The following MTLN variants were observed in gnomAD, a reference collection of about 807,000 sequenced individuals.
MTLN encodes the protein TP53-inhibiting lncRNA.
chr2:110,212,202 G>A lies in MTLN; in HGVS notation c.*140+13C>T. The A allele has an allele frequency of 2.5e-6, 1 of 396,964 alleles. No homozygotes were observed. Among genetic ancestry groups the A allele is most frequent in the Admixed American group, 4.4e-5 (1 of 22,684 alleles). The allele number at this position is 396,964 out of a possible 1,614,324, so 24.6% of individuals were successfully genotyped here. A position where few individuals can be genotyped will look rare whatever the true frequency, so the allele number is the denominator to read the frequency against. ...AAGTCTCCCTTTGCAATGTCACTAT[G>A]TGTACTGCTCACCAACACTCCAGGA... On this transcript the variant is annotated intron_variant, in intron 1 of 1. Coordinates refer to ENST00000611969, the MANE Select transcript of MTLN (RefSeq NM_001384134.1).
rs1281038883 is a variant in MTLN at position 110,212,245 on chromosome 2, G to A, written c.*110C>T. ...CTCCAGGAAGAGCCGGCCATGGCAG[G>A]CGGGGACTGTGTGGCAAGCCTGGTT... On this transcript the variant is annotated 3_prime_UTR_variant, in exon 1 of 2. Transcript: ENST00000611969. The A allele has an allele frequency of 5.0e-6, 2 of 397,948 alleles. No homozygotes were observed. The highest frequency in any genetic ancestry group is 4.4e-6 in the Non-Finnish European group (1 of 226,018). The allele number at this position is 397,948 out of a possible 1,614,324, so 24.7% of individuals were successfully genotyped here. A position where few individuals can be genotyped will look rare whatever the true frequency, so the allele number is the denominator to read the frequency against.
At chr2:110,211,647 A>G (rs1043864891) in intron 1 of MTLN, 25 bp from the exon 2 acceptor site, 1 of 152,184 alleles carries the variant, frequency 6.6e-6, no homozygotes, top group Non-Finnish European at 1.5e-5. Flanking sequence ...AAAGAGAAAA[A>G]AATTAGAAAT....
At position 110,212,486 on chromosome 2, in the gene MTLN, G is replaced by C; in HGVS notation, c.40C>G (p.Leu14Val). 2 of 398,954 alleles carry C rather than the reference G, an allele frequency of 5.0e-6. No individual in the cohort carries two copies. The highest frequency in any genetic ancestry group is 8.8e-6 in the Non-Finnish European group (2 of 226,002). 24.7% of individuals were successfully genotyped at this position (398,954 alleles called of 1,614,324 possible). A position where few individuals can be genotyped will look rare whatever the true frequency, so the allele number is the denominator to read the frequency against. Residue 14 changes from leucine to valine, a missense_variant, in exon 1 of 2, where the codon CTA (leucine) becomes GTA (valine). Leu to Val is a conservative substitution (Grantham distance 32, BLOSUM62 1). Coordinates refer to ENST00000611969, the MANE Select transcript of MTLN (RefSeq NM_001384134.1). ...VSERTLQLSV[L>V]VAFASGVLLG... is the part of the protein sequence containing the mutation. ...AGTACTCCAGAAGCGAAGGCTACTA[G>C]CACGGACAACTGCAGTGTCCTCTCT...
Position 110,212,301 on chromosome 2 carries a change from G to C in MTLN, c.*54C>G. The C allele has an allele frequency of 2.9e-6, 1 of 340,140 alleles. No homozygotes were observed. The highest frequency in any genetic ancestry group is 3.7e-5 in the East Asian group (1 of 26,700). The allele number at this position is 340,140 out of a possible 1,614,324, so 21.1% of individuals were successfully genotyped here. On this transcript the variant is annotated 3_prime_UTR_variant, in exon 1 of 2. Transcript: ENST00000611969. The stretch of plus-strand genomic sequence containing the variant: ...CGCCGGCGGACCGGGGCTCCGGCGC[G>C]GACATGGCAAGGTGGCCATGAGGGG...
chr2:110,212,513 A>G lies in MTLN; in HGVS notation c.13T>C (p.Ser5Pro). 2.5e-6 allele frequency: 1 copy of G among 398,888 alleles called. No homozygotes were observed. Among genetic ancestry groups the G allele is most frequent in the Non-Finnish European group, 4.4e-6 (1 of 225,964 alleles). The allele number at this position is 398,888 out of a possible 1,614,324, so 24.7% of individuals were successfully genotyped here. A position where few individuals can be genotyped will look rare whatever the true frequency, so the allele number is the denominator to read the frequency against. Reference sequence around the variant, plus strand: ...ACGGACAACTGCAGTGTCCTCTCTGACACATCCGCCATGGCTGCCGCCGGC... The same window carrying G: ...ACGGACAACTGCAGTGTCCTCTCTGGCACATCCGCCATGGCTGCCGCCGGC... MADVSERTLQLSVLV... is the reference protein window; with the variant it reads MADVPERTLQLSVLV... Residue 5 changes from serine to proline, a missense_variant, in exon 1 of 2, where the codon TCA becomes CCA. Coordinates refer to ENST00000611969, the MANE Select transcript of MTLN (RefSeq NM_001384134.1).
In MTLN at chr2:110,211,620, AAGCTGTTAGAAAC is replaced by A. The variant is rs1686104387; in HGVS notation, c.*141-11_*142del. ...CCGGTAGTCTATATGCATCTTCAACAAGCTGTTAGAAACAGAAAAGAGAAAAAAATTAGAAATA... is the reference window on the plus strand; with the variant it reads ...CCGGTAGTCTATATGCATCTTCAACAAGAAAAGAGAAAAAAATTAGAAATA... On this transcript the variant is annotated splice_acceptor_variant and splice_polypyrimidine_tract_variant and 3_prime_UTR_variant and intron_variant, in exon 2 of 2. Transcript: ENST00000611969. LOFTEE classifies it low-confidence loss of function (3UTR_SPLICE). The A allele has an allele frequency of 6.6e-6, 1 of 152,244 alleles. No homozygotes were observed. Among genetic ancestry groups the A allele is most frequent in the South Asian group, 2.1e-4 (1 of 4,836 alleles). 9.4% of individuals were successfully genotyped at this position (152,244 alleles called of 1,614,324 possible).
rs1342759967 is a variant in MTLN at position 110,212,261 on chromosome 2, A to G, written c.*94T>C. ...CCATGGCAGGCGGGGACTGTGTGGC[A>G]AGCCTGGTTCTGGGCGCCGGCGGAC... On this transcript the variant is annotated 3_prime_UTR_variant, in exon 1 of 2. Transcript: ENST00000611969. 2.5e-6 allele frequency: 1 copy of G among 394,906 alleles called. No individual in the cohort carries two copies. Among genetic ancestry groups the G allele is most frequent in the Non-Finnish European group, 4.4e-6 (1 of 225,320 alleles). 24.5% of individuals were successfully genotyped at this position (394,906 alleles called of 1,614,324 possible).
Position 110,212,287 on chromosome 2 carries a change from C to A in MTLN, c.*68G>T. On this transcript the variant is annotated 3_prime_UTR_variant, in exon 1 of 2. Coordinates refer to ENST00000611969, the MANE Select transcript of MTLN (RefSeq NM_001384134.1). ...AGCCTGGTTCTGGGCGCCGGCGGACCGGGGCTCCGGCGCGGACATGGCAAG... is the reference window on the plus strand; with the variant it reads ...AGCCTGGTTCTGGGCGCCGGCGGACAGGGGCTCCGGCGCGGACATGGCAAG... The A allele has an allele frequency of 2.6e-6, 1 of 390,630 alleles. No homozygotes were observed. The highest frequency in any genetic ancestry group is 4.4e-6 in the Non-Finnish European group (1 of 225,152). The allele number at this position is 390,630 out of a possible 1,614,324, so 24.2% of individuals were successfully genotyped here.
rs974085577 is a variant in MTLN, at chr2:110,212,386, G to A, written c.140C>T (p.Ala47Val). The A allele has an allele frequency of 7.5e-6, 3 of 398,376 alleles. No individual in the cohort carries two copies. The Admixed American group carries it at 1.3e-4, about 18-fold the overall frequency. The allele number at this position is 398,376 out of a possible 1,614,324, so 24.7% of individuals were successfully genotyped here. ...CAGGTCCAGCTTCTTCTGCGTCGCC[G>A]CCAGCTTGTCCTGCAGCCTCCTTTT... ...WRKRRLQDKLAATQKKLDLA is the reference protein window; with the variant it reads ...WRKRRLQDKLVATQKKLDLA The change falls in exon 1 of 2, where the codon GCG (alanine) becomes GTG (valine). Residue 47 changes from alanine (A) to valine (V), a missense_variant. Physicochemically the swap from Ala to Val is moderately conservative, Grantham distance 64. Coordinates refer to ENST00000611969, the MANE Select transcript of MTLN (RefSeq NM_001384134.1).
chr2:110,211,961 C>T (rs1686109448), intron 1 of MTLN, among the ~76,000 whole-genome samples: 1 of 152,156 alleles, frequency 6.6e-6, no homozygotes. Flanking sequence ...TTTGTTCTTT[C>T]CAGTATTTTC....
Position 110,212,540 on chromosome 2 carries a change from T to G in MTLN, c.-15A>C. ...ACATCCGCCATGGCTGCCGCCGGCG[T>G]GCAGCGCGGTCTACGGCGCGGCGGC... On this transcript the variant is annotated 5_prime_UTR_variant, in exon 1 of 2. Coordinates refer to ENST00000611969, the MANE Select transcript of MTLN (RefSeq NM_001384134.1). 1 of 398,910 alleles carries G rather than the reference T, an allele frequency of 2.5e-6. No individual in the cohort carries two copies. 24.7% of individuals were successfully genotyped at this position (398,910 alleles called of 1,614,324 possible).
intron 1 of MTLN, 26 bp downstream of exon 1, chr2:110,212,189 G>A (rs993406925): frequency 1.3e-5 from 5 of 395,970 alleles, no homozygotes; most frequent in African/African-American, 1.0e-4. Context: ...GTCTCCCTTT[G>A]CAATGTCACT....
intron 1 of MTLN, 103 bp downstream of exon 1, chr2:110,212,112 G>A: frequency 2.7e-6 from 1 of 368,556 alleles, no homozygotes; most frequent in Non-Finnish European, 4.8e-6. Context: ...TCTGGTGTCT[G>A]TGGGAACAAG....
chr2:110,211,786 CAA>C (rs1241702264), intron 1 of MTLN, among the ~76,000 whole-genome samples, 164 bp from the exon 2 acceptor site: 4 of 152,168 alleles, frequency 2.6e-5, no homozygotes, highest in African/African-American at 9.7e-5. Context: ...AGACTGGATG[CAA>C]GGTTCCTGAC....
Position 110,211,594 on chromosome 2 carries a change from T to C in MTLN, c.*169A>G, listed in dbSNP as rs922965289. On this transcript the variant is annotated 3_prime_UTR_variant, in exon 2 of 2. Coordinates refer to ENST00000611969, the MANE Select transcript of MTLN (RefSeq NM_001384134.1). ...AAAGTGCAAGAAGAAGTCATTTCTTTCCGGTAGTCTATATGCATCTTCAAC... is the reference window on the plus strand; with the variant it reads ...AAAGTGCAAGAAGAAGTCATTTCTTCCCGGTAGTCTATATGCATCTTCAAC... 4 of 152,120 alleles carry C rather than the reference T, an allele frequency of 2.6e-5. No homozygotes were observed. Among genetic ancestry groups the C allele is most frequent in the Non-Finnish European group, 4.4e-5 (3 of 68,022 alleles). The allele number at this position is 152,120 out of a possible 1,614,324, so 9.4% of individuals were successfully genotyped here.
At chr2:110,211,855 T>C (rs1462353465) in intron 1 of MTLN, among the ~76,000 whole-genome samples, 2 of 152,176 alleles carry the variant, frequency 1.3e-5, no homozygotes, top group Non-Finnish European at 1.5e-5. Context: ...AGAATTCAGT[T>C]TGGAGTTTAC....
chr2:110,211,712 C>A (rs1340292623), intron 1 of MTLN, 90 bp from the exon 2 acceptor site: 1 of 152,120 alleles, frequency 6.6e-6, no homozygotes, highest in Non-Finnish European at 1.5e-5. Flanking sequence ...ACCATAAGAT[C>A]TGGTTTACGA....
At chr2:110,212,182 T>C in intron 1 of MTLN, 33 bp downstream of exon 1, 1 of 395,636 alleles carries the variant, frequency 2.5e-6, no homozygotes, top group Non-Finnish European at 4.5e-6. Flanking sequence ...CCCCAAAGTC[T>C]CCCTTTGCAA....
rs530909110 is a variant in MTLN at position 110,212,460 on chromosome 2, G to C, written c.66C>G (p.Leu22=). 6 of 399,130 alleles carry C rather than the reference G, an allele frequency of 1.5e-5. No individual in the cohort carries two copies. The Admixed American group carries it at 1.8e-4, about 12-fold the overall frequency. The allele number at this position is 399,130 out of a possible 1,614,324, so 24.7% of individuals were successfully genotyped here. A position where few individuals can be genotyped will look rare whatever the true frequency, so the allele number is the denominator to read the frequency against. Reference sequence around the variant, plus strand: ...GCAGTCGGTTCGCCTGCCAGCCCAGGAGTACTCCAGAAGCGAAGGCTACTA... The same window carrying C: ...GCAGTCGGTTCGCCTGCCAGCCCAGCAGTACTCCAGAAGCGAAGGCTACTA... ...SVLVAFASGV[L]LGWQANRLRR... Residue 22 remains leucine (L), a synonymous_variant, in exon 1 of 2, where the codon CTC becomes CTG. Coordinates refer to ENST00000611969, the MANE Select transcript of MTLN (RefSeq NM_001384134.1).
Sources: gnomAD v4.1 joint callset for allele counts (sites outside exome capture counted in the v4.1 genomes callset) on GRCh38, gnomAD v4.1.1 for gene constraint, MANE v1.5 for transcripts, NCBI Gene and HGNC (gene_info 2026-07-23, HGNC 2026-07-21) for gene names.